DYNC1I1: variants seen among roughly 807,000 people sequenced by gnomAD.
DYNC1I1 encodes cytoplasmic dynein 1 intermediate chain 1.
A neutral mutation model predicts 86.6 loss-of-function variants in DYNC1I1; 43 were observed. The ratio of observed to expected loss-of-function variants is 0.50; its 90% CI spans 0.39 to 0.64. The LOEUF (loss-of-function observed/expected upper bound fraction) is 0.64. DYNC1I1 is among the 30% of genes least tolerant of loss of function. DYNC1I1 has a pLI of 0.00. For missense variants in DYNC1I1, 604 were observed against 788.8 expected, an observed-to-expected ratio of 0.77 and a Z score of 2.81; for synonymous variants, 262 against 283.7, an observed-to-expected ratio of 0.92 and a Z score of 0.77.
At position 96,039,271 on chromosome 7, in the gene DYNC1I1, C is replaced by A. The variant is rs992901499; in HGVS notation, c.1365-6C>A. On this transcript the variant is annotated splice_region_variant and splice_polypyrimidine_tract_variant and intron_variant, in intron 13 of 16. Coordinates refer to ENST00000447467, the MANE Select transcript of DYNC1I1 (RefSeq NM_001135556.2). ...GGAATTCTGCTCATGTGTGCTCTTCCTACAGCAAAGCAGGTATTGGTGAGG... is the reference window on the plus strand; with the variant it reads ...GGAATTCTGCTCATGTGTGCTCTTCATACAGCAAAGCAGGTATTGGTGAGG... 6.2e-7 allele frequency: 1 copy of A among 1,612,750 alleles called. No individual in the cohort carries two copies. Among genetic ancestry groups the A allele is most frequent in the Admixed American group, 1.7e-5 (1 of 59,762 alleles).
At chr7:95,918,537 G>A (rs1231058831) in intron 6 of DYNC1I1, among the ~76,000 whole-genome samples, 1 of 152,200 alleles carries the variant, frequency 6.6e-6, no homozygotes, top group East Asian at 1.9e-4. Context: ...ATGTGGGTGT[G>A]TCTGTGTGTG....
chr7:96,069,450 A>C (rs1790098236), intron 14 of DYNC1I1, among the ~76,000 whole-genome samples: 1 of 152,252 alleles, frequency 6.6e-6, no homozygotes, highest in Non-Finnish European at 1.5e-5. Context: ...AATAAGCAAG[A>C]AGCCAGAATG....
At chr7:95,877,225 G>A (rs976477977) in intron 6 of DYNC1I1, among the ~76,000 whole-genome samples, 6 of 152,178 alleles carry the variant, frequency 3.9e-5, no homozygotes, top group Admixed American at 3.3e-4. Context: ...GCAAGTGTGA[G>A]TACAAGGTGG....
chr7:95,817,081 G>A (rs559155577), intron 4 of DYNC1I1, among the ~76,000 whole-genome samples: 172 of 152,068 alleles, frequency 1.1e-3, no homozygotes, highest in Admixed American at 2.7e-3. Flanking sequence ...CATGTGGTAG[G>A]TATTTGATAA....
In DYNC1I1 at chr7:95,971,793, A is replaced by G. The variant is rs147820833; in HGVS notation, c.491-5719A>G. On this transcript the variant is annotated intron_variant, in intron 6 of 16. Coordinates refer to ENST00000447467, the MANE Select transcript of DYNC1I1 (RefSeq NM_001135556.2). ...TCATTGGCCCATTCAATTCAAAGTC[A>G]AAGTGGTAATTGCTTTGTGCCTTCT... 3.4e-3 allele frequency among the ~76,000 whole-genome samples: 516 copies of G among 152,292 alleles called. 1 individual carries two copies. Among genetic ancestry groups the G allele is most frequent in the Non-Finnish European group, 5.9e-3 (399 of 68,028 alleles).
intron 10 of DYNC1I1, among the ~76,000 whole-genome samples, chr7:96,025,761 A>G (rs1794663349): frequency 6.6e-6 from 1 of 151,208 alleles, no homozygotes; most frequent in African/African-American, 2.4e-5. Flanking sequence ...TTGATTGCCA[A>G]CTATGTGTTT....
intron 14 of DYNC1I1, among the ~76,000 whole-genome samples, chr7:96,064,530 A>G (rs138011291): frequency 6.6e-5 from 10 of 152,252 alleles, no homozygotes; most frequent in African/African-American, 2.2e-4. Flanking sequence ...AATCTTTGCC[A>G]TGACTGGGCA....
chr7:95,823,443 C>T (rs1795126070), intron 4 of DYNC1I1, among the ~76,000 whole-genome samples: 1 of 152,166 alleles, frequency 6.6e-6, no homozygotes, highest in African/African-American at 2.4e-5. Flanking sequence ...CATATTTATT[C>T]AAACTTTAAA....
intron 16 of DYNC1I1, among the ~76,000 whole-genome samples, chr7:96,107,821 C>T (rs1019394572): frequency 9.9e-5 from 15 of 151,172 alleles, no homozygotes; most frequent in African/African-American, 3.2e-4. Context: ...CCACCACGCC[C>T]GGCCTTCTTC....
chr7:96,002,640 T>C (rs1189473811), intron 10 of DYNC1I1, among the ~76,000 whole-genome samples: 1 of 152,200 alleles, frequency 6.6e-6, no homozygotes, highest in African/African-American at 2.4e-5. Flanking sequence ...CTTTGTGTAT[T>C]GTCCAAATAG....
chr7:95,976,780 A>G (rs1195193014), intron 6 of DYNC1I1, among the ~76,000 whole-genome samples: 4 of 152,138 alleles, frequency 2.6e-5, no homozygotes, highest in Admixed American at 2.6e-4. Flanking sequence ...GATGCTTTCA[A>G]ACACTATATA....
chr7:95,895,694 T>C (rs1002537292), intron 6 of DYNC1I1, among the ~76,000 whole-genome samples: 1 of 151,996 alleles, frequency 6.6e-6, no homozygotes, highest in East Asian at 1.9e-4. Context: ...AAAATAAATA[T>C]AAAATAAACA....
intron 14 of DYNC1I1, among the ~76,000 whole-genome samples, chr7:96,039,902 A>C (rs990470346): frequency 1.3e-5 from 2 of 151,948 alleles, no homozygotes; most frequent in African/African-American, 4.8e-5. Flanking sequence ...AGCTATTGGA[A>C]GTTTTTAAGC....
intron 6 of DYNC1I1, among the ~76,000 whole-genome samples, chr7:95,960,754 G>T (rs1209984011): frequency 6.6e-6 from 1 of 152,210 alleles, no homozygotes; most frequent in Non-Finnish European, 1.5e-5. Context: ...TGCAGAGCAG[G>T]TAAGGAAGCT....
intron 14 of DYNC1I1, among the ~76,000 whole-genome samples, chr7:96,063,904 G>C (rs200429323): frequency 4.6e-5 from 7 of 152,086 alleles, no homozygotes; most frequent in African/African-American, 7.2e-5. Context: ...ATATTGAAGG[G>C]CTCCAGTCTC....
chr7:95,977,419 G>A (rs1793333534), intron 6 of DYNC1I1, 93 bp from the exon 7 acceptor site: 2 of 1,149,132 alleles, frequency 1.7e-6, no homozygotes, highest in Non-Finnish European at 2.5e-6. Flanking sequence ...TAAATGATTG[G>A]AACTTTACCC....
intron 1 of DYNC1I1, among the ~76,000 whole-genome samples, chr7:95,803,647 T>C (rs1794635097): frequency 6.6e-6 from 1 of 152,230 alleles, no homozygotes; most frequent in South Asian, 2.1e-4. Flanking sequence ...ATTTTTTTCC[T>C]TCCATTGCTC....
chr7:96,007,966 G>A (rs951513008), intron 10 of DYNC1I1, among the ~76,000 whole-genome samples: 1 of 152,124 alleles, frequency 6.6e-6, no homozygotes, highest in Non-Finnish European at 1.5e-5. Flanking sequence ...GTGTTCCTAC[G>A]GTGAAGTAAG....
chr7:95,817,214 T>TA (rs34412998), intron 4 of DYNC1I1, among the ~76,000 whole-genome samples: 118 of 139,028 alleles, frequency 8.5e-4, no homozygotes, highest in South Asian at 5.2e-3. Context: ...CATCCAAGAT[T>TA]AAAAAAAAAA....
Sources: gnomAD v4.1 joint callset for allele counts (sites outside exome capture counted in the v4.1 genomes callset) on GRCh38, gnomAD v4.1.1 for gene constraint, MANE v1.5 for transcripts, NCBI Gene and HGNC (gene_info 2026-07-23, HGNC 2026-07-21) for gene names.